Variants in CDH10 observed in about 807,000 individuals in gnomAD.
The protein encoded by CDH10 is cadherin-10.
In CDH10, 30 loss-of-function variants were observed where a neutral mutation model predicts 73.1. That is an observed-to-expected ratio of 0.41 (90% CI 0.31 to 0.56). The LOEUF is 0.56. Among genes scored for constraint, CDH10 ranks in the 20% least tolerant of loss-of-function variants. CDH10 has a pLI of 0.27. For missense variants in CDH10, 815 were observed against 973.7 expected (o/e 0.84, Z 2.17); for synonymous variants, 345 against 348.2 (o/e 0.99, Z 0.10).
intron 1 of CDH10, among the ~76,000 whole-genome samples, chr5:24,607,126 A>T (rs990458851): frequency 6.6e-6 from 1 of 152,188 alleles, no homozygotes; most frequent in Non-Finnish European, 1.5e-5. Flanking sequence ...TGCATAAAAT[A>T]TGAGGGCTCT....
chr5:24,509,861 T>A, intron 6 of CDH10, 42 bp from the exon 7 acceptor site: 9 of 1,478,636 alleles, frequency 6.1e-6, no homozygotes, highest in Non-Finnish European at 8.4e-6. Flanking sequence ...TGAGGGAAAT[T>A]GGATGATATG....
intron 2 of CDH10, among the ~76,000 whole-genome samples, chr5:24,549,308 G>GA (rs971108557): frequency 6.6e-6 from 1 of 152,078 alleles, no homozygotes; most frequent in African/African-American, 2.4e-5. Context: ...AAATAGGTAA[G>GA]AAATTTTTAA....
chr5:24,549,475 T>C (rs1744465298), intron 2 of CDH10, among the ~76,000 whole-genome samples: 1 of 151,046 alleles, frequency 6.6e-6, no homozygotes, highest in African/African-American at 2.4e-5. Flanking sequence ...AAAGACACAT[T>C]AATGTCAAAG....
intron 5 of CDH10, among the ~76,000 whole-genome samples, chr5:24,533,851 T>C (rs138169762): frequency 6.6e-6 from 1 of 152,094 alleles, no homozygotes; most frequent in Non-Finnish European, 1.5e-5. Flanking sequence ...TGCCTTGCCC[T>C]ATGAGTTCTG....
rs2111597529 is a variant in CDH10 at position 24,487,652 on chromosome 5, T to C, written c.*11A>G. Reference sequence around the variant, plus strand: ...TACTTTCTCTTGTTTGAACAGAACATATATCCTACGTTAAGAGTCTTTGTC... The same window carrying C: ...TACTTTCTCTTGTTTGAACAGAACACATATCCTACGTTAAGAGTCTTTGTC... On this transcript the variant is annotated 3_prime_UTR_variant, in exon 12 of 12. Coordinates refer to ENST00000264463, the MANE Select transcript of CDH10 (RefSeq NM_006727.5). 13 of 1,603,766 alleles carry C rather than the reference T, an allele frequency of 8.1e-6. No homozygotes were observed. Among genetic ancestry groups the C allele is most frequent in the Non-Finnish European group, 1.1e-5 (13 of 1,174,574 alleles).
At chr5:24,504,671 G>T (rs1034008154) in intron 8 of CDH10, among the ~76,000 whole-genome samples, 1 of 151,344 alleles carries the variant, frequency 6.6e-6, no homozygotes, top group African/African-American at 2.4e-5. Flanking sequence ...GACTACAGGC[G>T]CCCGCCACCA....
intron 2 of CDH10, among the ~76,000 whole-genome samples, chr5:24,560,649 G>A (rs1234983031): frequency 6.6e-6 from 1 of 151,950 alleles, no homozygotes; most frequent in Non-Finnish European, 1.5e-5. Context: ...AACTGAGACT[G>A]TAGGAGATTA....
chr5:24,616,535 C>A (rs1747134628), intron 1 of CDH10, among the ~76,000 whole-genome samples: 1 of 151,330 alleles, frequency 6.6e-6, no homozygotes, highest in Admixed American at 6.6e-5. Flanking sequence ...AAAGAAAAGG[C>A]TATTAGTAGA....
intron 1 of CDH10, among the ~76,000 whole-genome samples, chr5:24,641,632 G>C (rs1185996864): frequency 1.3e-5 from 2 of 152,002 alleles, no homozygotes; most frequent in Non-Finnish European, 2.9e-5. Context: ...GTCATTCCGA[G>C]AACGCTTCTT....
At chr5:24,488,295 T>C in intron 11 of CDH10, 142 bp from the exon 12 acceptor site, 1 of 719,374 alleles carries the variant, frequency 1.4e-6, no homozygotes. Context: ...TTCCCACAGT[T>C]TGGGGGAGGT....
intron 3 of CDH10, among the ~76,000 whole-genome samples, chr5:24,536,888 T>G (rs1020133895): frequency 1.3e-5 from 2 of 151,946 alleles, no homozygotes; most frequent in African/African-American, 4.8e-5. Flanking sequence ...ATTATAATGA[T>G]AGGATTTTTT....
At chr5:24,535,040 T>G in intron 5 of CDH10, 72 bp downstream of exon 5, 1 of 1,363,302 alleles carries the variant, frequency 7.3e-7, no homozygotes, top group South Asian at 1.5e-5. Context: ...TTTCTTTTCT[T>G]TTTCTTTCTT....
chr5:24,546,962 G>A (rs1329615060), intron 2 of CDH10, among the ~76,000 whole-genome samples: 2 of 152,142 alleles, frequency 1.3e-5, no homozygotes, highest in Non-Finnish European at 2.9e-5. Context: ...AGTTCATAAT[G>A]AAACATGGGG....
At position 24,491,603 on chromosome 5, in the gene CDH10, TGGCGATCAA is replaced by T; in HGVS notation, c.1840_1848del (p.Leu614_Ala616del). 1 of 1,613,686 alleles carries T rather than the reference TGGCGATCAA, an allele frequency of 6.2e-7. No individual in the cohort carries two copies. The highest frequency in any genetic ancestry group is 8.5e-7 in the Non-Finnish European group (1 of 1,179,760). On this transcript the variant is annotated inframe_deletion, in exon 11 of 12. Coordinates refer to ENST00000264463, the MANE Select transcript of CDH10 (RefSeq NM_006727.5). ...AGTAGAATGATGATGCAGAGGAGGA[TGGCGATCAA>T]GGCCCCAGTGCTGAGGCCGGCAGGG...
rs769211780 is a variant in CDH10 at position 24,511,317 on chromosome 5, T to C, written c.1002+10A>G. Reference sequence around the variant, plus strand: ...ACACACAGATGCTTATTTATATGGATGCTGTGCACCTTTTTCACAGTGATG... The same window carrying C: ...ACACACAGATGCTTATTTATATGGACGCTGTGCACCTTTTTCACAGTGATG... On this transcript the variant is annotated intron_variant, in intron 6 of 11. Transcript: ENST00000264463. 2 of 1,568,490 alleles carry C rather than the reference T, an allele frequency of 1.3e-6. No homozygotes were observed. The highest frequency in any genetic ancestry group is 1.3e-5 in the African/African-American group (1 of 74,122).
chr5:24,592,715 T>C (rs1746241258), intron 2 of CDH10, among the ~76,000 whole-genome samples: 1 of 151,848 alleles, frequency 6.6e-6, no homozygotes, highest in Non-Finnish European at 1.5e-5. Context: ...CGTTTTTCTT[T>C]ATACAAATGC....
chr5:24,601,552 G>A (rs1367525826), intron 1 of CDH10, among the ~76,000 whole-genome samples: 1 of 152,060 alleles, frequency 6.6e-6, no homozygotes, highest in Non-Finnish European at 1.5e-5. Context: ...GACCATGAAT[G>A]TACTTAGACA....
intron 9 of CDH10, among the ~76,000 whole-genome samples, chr5:24,497,762 A>G (rs1742345755): frequency 6.6e-6 from 1 of 152,176 alleles, no homozygotes; most frequent in Non-Finnish European, 1.5e-5. Flanking sequence ...ATTCTCTTTC[A>G]TTCACATACA....
intron 11 of CDH10, 50 bp downstream of exon 11, chr5:24,491,526 T>G (rs925680838): frequency 2.6e-6 from 4 of 1,520,870 alleles, no homozygotes; most frequent in Non-Finnish European, 3.6e-6. Flanking sequence ...TTCTTCAAAA[T>G]CATACTAAAG....
Sources: allele counts gnomAD v4.1 joint callset (sites outside exome capture counted in the v4.1 genomes callset), GRCh38; gene constraint gnomAD v4.1.1; transcripts MANE v1.5; gene names NCBI Gene and HGNC (gene_info 2026-07-23, HGNC 2026-07-21).